NECAP1: variants seen among roughly 807,000 people sequenced by gnomAD.
NECAP1 encodes the protein adaptin ear-binding coat-associated protein 1.
Under a neutral mutation model 33.4 loss-of-function variants are expected in NECAP1, and 13 were observed. The ratio of observed to expected loss-of-function variants is 0.39; its 90% CI spans 0.25 to 0.62. The LOEUF is 0.62. Ranked by LOEUF, NECAP1 falls within the 20% of genes least tolerant of loss-of-function variation. The pLI, the probability that NECAP1 is intolerant of heterozygous loss-of-function variation, is 0.52. For missense variants in NECAP1, 272 were observed against 347.4 expected (o/e 0.78, Z 1.73); for synonymous variants, 109 against 125.2 (o/e 0.87, Z 0.86).
Position 8,085,686 on chromosome 12 carries a change from CTTTTTTTTT to C in NECAP1, c.95+3324_95+3332del, listed in dbSNP as rs554942626. On this transcript the variant is annotated intron_variant, in intron 1 of 7. Coordinates refer to ENST00000339754, the MANE Select transcript of NECAP1 (RefSeq NM_015509.4). ...TTGTAGGATCCTCTCACTTAATCTT[CTTTTTTTTT>C]TTTTTTTTTTTTTTTTTTTTGTTGT... Among the ~76,000 whole-genome samples, 152 of 104,846 alleles carry C rather than the reference CTTTTTTTTT, an allele frequency of 1.4e-3. 1 individual carries two copies. Among genetic ancestry groups the C allele is most frequent in the South Asian group, 4.5e-3 (14 of 3,112 alleles). 68.8% of individuals were successfully genotyped at this position (104,846 alleles called of 152,430 possible).
chr12:8,083,752 T>G (rs1423999891), intron 1 of NECAP1, among the ~76,000 whole-genome samples: 3 of 110,624 alleles, frequency 2.7e-5, no homozygotes, highest in Non-Finnish European at 6.1e-5. Context: ...TTTTTTTTTG[T>G]TAGAGAGGCA....
intron 3 of NECAP1, chr12:8,090,659 T>A: frequency 5.6e-6 from 1 of 178,054 alleles, no homozygotes; most frequent in South Asian, 1.1e-4. Flanking sequence ...AAATAAAAAA[T>A]TAGCCAGGCG....
intron 1 of NECAP1, among the ~76,000 whole-genome samples, chr12:8,086,705 G>A (rs1947492928): frequency 6.6e-6 from 1 of 152,112 alleles, no homozygotes; most frequent in South Asian, 2.1e-4. Flanking sequence ...GGAGGCCAAG[G>A]CGGGCGGATT....
At chr12:8,093,823 C>T (rs1005762952) in intron 6 of NECAP1, 3 of 152,100 alleles carry the variant, frequency 2.0e-5, no homozygotes, top group African/African-American at 7.2e-5. Flanking sequence ...ATTGACAGCA[C>T]CTAGCATAGC....
In NECAP1 at chr12:8,093,011, C is replaced by T; in HGVS notation, c.632C>T (p.Thr211Ile). ...SSSVAISNHV[T>I]PPPIPKSNHG... ...TCAGTTGCCATCAGCAATCATGTCA[C>T]CCCACCACCCATTCCGAAATCTAAC... Residue 211 changes from threonine (T) to isoleucine (I), a missense_variant, in exon 6 of 8, where the codon ACC becomes ATC. Coordinates refer to ENST00000339754, the MANE Select transcript of NECAP1 (RefSeq NM_015509.4). 6.2e-7 allele frequency: 1 copy of T among 1,614,100 alleles called. No individual in the cohort carries two copies. The highest frequency in any genetic ancestry group is 8.5e-7 in the Non-Finnish European group (1 of 1,179,986).
chr12:8,084,618 C>T (rs996119328), intron 1 of NECAP1, among the ~76,000 whole-genome samples: 1 of 151,964 alleles, frequency 6.6e-6, no homozygotes, highest in Non-Finnish European at 1.5e-5. Flanking sequence ...CTGTTCAACT[C>T]CCACTTGTGA....
rs867461640 is a variant in NECAP1, at chr12:8,096,728, A to C, written c.*638A>C. The C allele has an allele frequency of 6.5e-6, 1 of 152,750 alleles. No homozygotes were observed. The highest frequency in any genetic ancestry group is 1.9e-4 in the East Asian group (1 of 5,184). 9.5% of individuals were successfully genotyped at this position (152,750 alleles called of 1,614,324 possible). Reference sequence around the variant, plus strand: ...CTTGTGTGTTTACATGTCTCTTTCTATGATAAGAGGGTTGTGTTGGTGGCA... The same window carrying C: ...CTTGTGTGTTTACATGTCTCTTTCTCTGATAAGAGGGTTGTGTTGGTGGCA... On this transcript the variant is annotated 3_prime_UTR_variant, in exon 8 of 8. Transcript: ENST00000339754.
chr12:8,082,387 C>T lies in NECAP1; in HGVS notation c.95+4C>T, dbSNP rs1756576253. The T allele has an allele frequency of 3.7e-6, 6 of 1,613,098 alleles. No individual in the cohort carries two copies. Among genetic ancestry groups the T allele is most frequent in the Non-Finnish European group, 4.2e-6 (5 of 1,179,200 alleles). On this transcript the variant is annotated splice_donor_region_variant and intron_variant, in intron 1 of 7. Coordinates refer to ENST00000339754, the MANE Select transcript of NECAP1 (RefSeq NM_015509.4). The stretch of plus-strand genomic sequence containing the variant: ...GGGCCTCCAACCGCGGTTACAGGTA[C>T]TAACCCCGAGGCGCTGCCGCACACG...
At chr12:8,089,507 C>T (rs1419430372) in intron 1 of NECAP1, 5 of 157,866 alleles carry the variant, frequency 3.2e-5, no homozygotes, top group African/African-American at 7.2e-5. Flanking sequence ...GGATTTCAGG[C>T]GCACGCCACC....
intron 6 of NECAP1, chr12:8,094,831 T>G (rs879750676): frequency 2.0e-5 from 3 of 152,214 alleles, no homozygotes; most frequent in Admixed American, 2.0e-4. Context: ...ATAGAACAGT[T>G]TAATCACTAC....
At chr12:8,095,083 GA>G (rs1947582638) in intron 6 of NECAP1, among the ~76,000 whole-genome samples, 1 of 152,112 alleles carries the variant, frequency 6.6e-6, no homozygotes. Flanking sequence ...TTTTATTGCT[GA>G]ATAGTATTCC....
At position 8,095,692 on chromosome 12, in the gene NECAP1, C is replaced by G; in HGVS notation, c.768C>G (p.Ser256Arg). Residue 256 changes from serine (S) to arginine (R), a missense_variant, in exon 7 of 8, where the codon AGC becomes AGG. Ser to Arg is a moderately radical substitution (Grantham distance 110, BLOSUM62 -1). Coordinates refer to ENST00000339754, the MANE Select transcript of NECAP1 (RefSeq NM_015509.4). ...SVSNDLWGDF[S>R]TASSSVPNQA... ...GCAATGACTTGTGGGGAGACTTCAGCACTGCCTCCAGGTAATGGGCATAGT... is the reference window on the plus strand; with the variant it reads ...GCAATGACTTGTGGGGAGACTTCAGGACTGCCTCCAGGTAATGGGCATAGT... 6.2e-7 allele frequency: 1 copy of G among 1,611,732 alleles called. No homozygotes were observed.
chr12:8,086,494 G>T (rs1483861000), intron 1 of NECAP1, among the ~76,000 whole-genome samples: 1 of 151,790 alleles, frequency 6.6e-6, no homozygotes, highest in Non-Finnish European at 1.5e-5. Flanking sequence ...CACACCTGTA[G>T]TCCCAGCTAC....
intron 7 of NECAP1, 105 bp from the exon 8 acceptor site, chr12:8,095,937 G>C: frequency 7.0e-7 from 1 of 1,430,662 alleles, no homozygotes; most frequent in Non-Finnish European, 9.6e-7. Context: ...ATGAAGTGTG[G>C]TTTTGGAAAT....
chr12:8,091,505 A>G (rs1383962651), intron 3 of NECAP1: 3 of 466,398 alleles, frequency 6.4e-6, no homozygotes, highest in Non-Finnish European at 1.2e-5. Flanking sequence ...CTCATAACCT[A>G]GATCCCTCAC....
At chr12:8,092,058 G>T (rs1947550702) in intron 4 of NECAP1, 2 of 556,068 alleles carry the variant, frequency 3.6e-6, no homozygotes, top group Admixed American at 3.1e-5. Context: ...ATATATTTCA[G>T]ATCCCTTGTG....
intron 1 of NECAP1, among the ~76,000 whole-genome samples, chr12:8,082,632 C>T (rs1443897958): frequency 6.6e-6 from 1 of 151,910 alleles, no homozygotes; most frequent in African/African-American, 2.4e-5. Flanking sequence ...TTCCACTCTG[C>T]CTCTCCCGTA....
intron 1 of NECAP1, chr12:8,082,965 A>T (rs1010703389): frequency 1.3e-5 from 2 of 153,078 alleles, no homozygotes; most frequent in African/African-American, 4.8e-5. Context: ...ACCAGTGAGC[A>T]AAGGTTATGA....
intron 6 of NECAP1, 130 bp downstream of exon 6, chr12:8,093,185 T>C (rs988439076): frequency 1.0e-5 from 9 of 894,814 alleles, no homozygotes; most frequent in Non-Finnish European, 1.3e-5. Context: ...TTCTGTCAGC[T>C]TCTAGCAAGG....
Sources: gnomAD v4.1 joint callset for allele counts (sites outside exome capture counted in the v4.1 genomes callset) on GRCh38, gnomAD v4.1.1 for gene constraint, MANE v1.5 for transcripts, NCBI Gene and HGNC (gene_info 2026-07-23, HGNC 2026-07-21) for gene names.